Variants in GIT1 observed in about 807,000 individuals in gnomAD.
GIT1 encodes GIT ArfGAP 1.
A neutral mutation model predicts 91.7 loss-of-function variants in GIT1; 14 were observed. The observed-to-expected ratio is 0.15, with a 90% CI of 0.10 to 0.24. The LOEUF (loss-of-function observed/expected upper bound fraction) is 0.24, where lower values mean the gene tolerates loss of function less well. Ranked by LOEUF, GIT1 falls within the 10% of genes least tolerant of loss-of-function variation. GIT1 has a pLI of 1.00. For missense variants in GIT1, 717 were observed against 1,024.9 expected (o/e 0.70, Z 4.10); for synonymous variants, 414 against 418.2 (o/e 0.99, Z 0.12).
chr17:29,576,653 A>T lies in GIT1; in HGVS notation c.1249T>A (p.Ser417Thr), dbSNP rs747834683. ...RARSMDSSDL[S>T]DGAVTLQEYL... ...TCCTGCAGCGTCACAGCCCCGTCAG[A>T]CAAGTCCGAGGAGTCCATGCTCTGC... The change falls in exon 13 of 20, where the codon TCT (serine) becomes ACT (threonine). Residue 417 changes from serine (S) to threonine (T), a missense_variant. Transcript: ENST00000225394. 19 of 1,613,864 alleles carry T rather than the reference A, an allele frequency of 1.2e-5. No individual in the cohort carries two copies. Among genetic ancestry groups the T allele is most frequent in the Non-Finnish European group, 1.5e-5 (18 of 1,179,992 alleles).
intron 1 of GIT1, among the ~76,000 whole-genome samples, chr17:29,588,714 G>A (rs1192941605): frequency 6.6e-6 from 1 of 152,184 alleles, no homozygotes; most frequent in Admixed American, 6.5e-5. Flanking sequence ...GAAGACACCC[G>A]GGTCTAGACT....
chr17:29,584,122 C>A (rs1351328214), intron 1 of GIT1, among the ~76,000 whole-genome samples: 1 of 152,222 alleles, frequency 6.6e-6, no homozygotes, highest in African/African-American at 2.4e-5. Flanking sequence ...GCCATCATCA[C>A]TGAGGGTGTA....
intron 7 of GIT1, chr17:29,579,265 T>G: frequency 4.0e-6 from 2 of 505,402 alleles, no homozygotes; most frequent in Non-Finnish European, 7.1e-6. Flanking sequence ...GCTCCCCAGG[T>G]TCCTCAATCA....
chr17:29,584,542 C>T lies in GIT1; in HGVS notation c.53-926G>A, dbSNP rs977862367. ...AGGCCCCTTGGGAGACAGCTGCATA[C>T]GACTCAGGCTGCGGAAAGGTCACGG... On this transcript the variant is annotated intron_variant, in intron 1 of 19. Transcript: ENST00000225394. Among the ~76,000 whole-genome samples, 26 of 152,198 alleles carry T rather than the reference C, an allele frequency of 1.7e-4. 1 individual carries two copies. The highest frequency in any genetic ancestry group is 1.4e-3 in the Admixed American group (21 of 15,288).
At chr17:29,586,111 G>C (rs1165048690) in intron 1 of GIT1, among the ~76,000 whole-genome samples, 1 of 152,168 alleles carries the variant, frequency 6.6e-6, no homozygotes, top group African/African-American at 2.4e-5. Flanking sequence ...GTAGTCCTTG[G>C]GGTAGAGTCA....
At chr17:29,583,726 A>G (rs1051495099) in intron 1 of GIT1, 110 bp from the exon 2 acceptor site, 6 of 1,201,590 alleles carry the variant, frequency 5.0e-6, no homozygotes, top group Non-Finnish European at 6.9e-6. Context: ...TCACTCACTC[A>G]GTCTCCAACA....
intron 1 of GIT1, among the ~76,000 whole-genome samples, chr17:29,588,910 G>C (rs1231221688): frequency 6.6e-6 from 1 of 152,204 alleles, no homozygotes; most frequent in East Asian, 1.9e-4. Flanking sequence ...CGAGCAGCAG[G>C]TGCAAGACGC....
Position 29,575,888 on chromosome 17 carries a change from C to T in GIT1, c.1676G>A (p.Gly559Glu). The T allele has an allele frequency of 6.2e-7, 1 of 1,608,264 alleles. No individual in the cohort carries two copies. The highest frequency in any genetic ancestry group is 8.5e-7 in the Non-Finnish European group (1 of 1,177,270). The change falls in exon 16 of 20, where the codon GGG (glycine) becomes GAG (glutamate). Residue 559 changes from glycine (G) to glutamate (E), a missense_variant. By Grantham distance (98) the Gly-to-Glu change is moderately conservative. This residue lies in a region of GIT1 where 312 missense variants were observed against 349.5 expected (regional missense o/e 0.89). Transcript: ENST00000225394. This position sits in a 1 kb window ranked among gnomAD's most constrained non-coding sequence, Gnocchi z 5.5. ...GAAGGGCACAGCTGAGGCAGACACC[C>T]CTTTCCGGATCTGAAACCCAGGGCA... is the stretch of plus-strand genomic sequence containing the variant. ...VPAGLYRIRKGVSASAVPFTP... is the reference protein window; with the variant it reads ...VPAGLYRIRKEVSASAVPFTP...
At chr17:29,577,038 C>A in intron 11 of GIT1, 42 bp from the exon 12 acceptor site, 1 of 1,606,486 alleles carries the variant, frequency 6.2e-7, no homozygotes, top group Non-Finnish European at 8.5e-7. Flanking sequence ...CTCCACCACA[C>A]AACCCATCTC....
chr17:29,583,805 G>T (rs2033486771), intron 1 of GIT1, 189 bp from the exon 2 acceptor site: 2 of 629,184 alleles, frequency 3.2e-6, no homozygotes, highest in Admixed American at 6.1e-5. Flanking sequence ...CTCACAGCTG[G>T]GGGCTGACAG....
In GIT1 at chr17:29,589,504, G is replaced by T; in HGVS notation, c.-126C>A. 4.1e-6 allele frequency: 1 copy of T among 242,718 alleles called. No individual in the cohort carries two copies. Among genetic ancestry groups the T allele is most frequent in the Non-Finnish European group, 6.5e-6 (1 of 153,950 alleles). 15.0% of individuals were successfully genotyped at this position (242,718 alleles called of 1,614,324 possible). On this transcript the variant is annotated 5_prime_UTR_variant, in exon 1 of 20. Transcript: ENST00000225394. The surrounding 1 kb of genome is among the most constrained non-coding windows in gnomAD (Gnocchi z 5.2). Reference sequence around the variant, plus strand: ...GCGAGGCCCCGGCGAGGCTCCGCGCGCCCGGCCAACCGTCCGCCCCGGGGC... The same window carrying T: ...GCGAGGCCCCGGCGAGGCTCCGCGCTCCCGGCCAACCGTCCGCCCCGGGGC...
Position 29,575,044 on chromosome 17 carries a change from C to A in GIT1, c.2073+35G>T. 6.5e-7 allele frequency: 1 copy of A among 1,534,774 alleles called. No individual in the cohort carries two copies. Among genetic ancestry groups the A allele is most frequent in the Non-Finnish European group, 8.9e-7 (1 of 1,126,732 alleles). ...CTCCACGCCTGCCCCAGCTCGAGGC[C>A]CTCCCACTCCTGGTCCTCTCTTTGG... On this transcript the variant is annotated intron_variant, in intron 19 of 19. Transcript: ENST00000225394. The surrounding 1 kb of genome is among the most constrained non-coding windows in gnomAD (Gnocchi z 5.5).
In GIT1 at chr17:29,577,138, G is replaced by T. The variant is rs1205688642; in HGVS notation, c.1091C>A (p.Thr364Lys). The change falls in exon 11 of 20, where the codon ACA becomes AAA. Residue 364 changes from threonine (T) to lysine (K), a missense_variant and splice_region_variant. Physicochemically the swap from Thr to Lys is moderately conservative, Grantham distance 78 (BLOSUM62 -1). Coordinates refer to ENST00000225394, the MANE Select transcript of GIT1 (RefSeq NM_014030.4). Reference sequence around the variant, plus strand: ...ACCCTCCCACACAACCCTCCCACCTGTGGGGCTGCTCAGGCTCTTGCCCTG... The same window carrying T: ...ACCCTCCCACACAACCCTCCCACCTTTGGGGCTGCTCAGGCTCTTGCCCTG... ...RQQGKSLSSP[T>K]DNLELSLRSQ... The T allele has an allele frequency of 3.1e-6, 5 of 1,613,264 alleles. No homozygotes were observed. Among genetic ancestry groups the T allele is most frequent in the Non-Finnish European group, 4.2e-6 (5 of 1,179,558 alleles).
chr17:29,582,201 C>A, intron 4 of GIT1, 57 bp from the exon 5 acceptor site: 1 of 1,312,926 alleles, frequency 7.6e-7, no homozygotes, highest in South Asian at 1.3e-5. Context: ...ACCTCCCCAC[C>A]CACAAGCTGC....
In GIT1 at chr17:29,575,035, G is replaced by A; in HGVS notation, c.2073+44C>T. 1 of 1,514,666 alleles carries A rather than the reference G, an allele frequency of 6.6e-7. No homozygotes were observed. Among genetic ancestry groups the A allele is most frequent in the South Asian group, 1.2e-5 (1 of 82,506 alleles). 93.8% of individuals were successfully genotyped at this position (1,514,666 alleles called of 1,614,324 possible). A position where few individuals can be genotyped will look rare whatever the true frequency, so the allele number is the denominator to read the frequency against. On this transcript the variant is annotated intron_variant, in intron 19 of 19. Transcript: ENST00000225394. The surrounding 1 kb of genome is among the most constrained non-coding windows in gnomAD (Gnocchi z 5.5). Reference sequence around the variant, plus strand: ...GATGGGATTCTCCACGCCTGCCCCAGCTCGAGGCCCTCCCACTCCTGGTCC... The same window carrying A: ...GATGGGATTCTCCACGCCTGCCCCAACTCGAGGCCCTCCCACTCCTGGTCC...
chr17:29,581,353 G>C lies in GIT1; in HGVS notation c.746C>G (p.Pro249Arg). ...PDHKNGHYII[P>R]QMADSLDLSE... ...GGGCACTCACCTGTCAGCCATCTGT[G>C]GGATGATGTAATGCCCATTCTTGTG... Residue 249 changes from proline (P) to arginine (R), a missense_variant, in exon 7 of 20, where the codon CCA (proline) becomes CGA (arginine). Physicochemically the swap from Pro to Arg is moderately radical, Grantham distance 103. Around this residue, in one of 3 missense-constraint regions of GIT1, gnomAD observed 271 missense variants for 451.6 expected, o/e 0.60. Coordinates refer to ENST00000225394, the MANE Select transcript of GIT1 (RefSeq NM_014030.4). The surrounding 1 kb of genome is among the most constrained non-coding windows in gnomAD (Gnocchi z 4.8). 1 of 1,612,564 alleles carries C rather than the reference G, an allele frequency of 6.2e-7. No individual in the cohort carries two copies. Among genetic ancestry groups the C allele is most frequent in the South Asian group, 1.1e-5 (1 of 91,068 alleles).
chr17:29,575,316 G>T lies in GIT1; in HGVS notation c.1981C>A (p.Arg661=), dbSNP rs1307345911. 1 of 1,612,830 alleles carries T rather than the reference G, an allele frequency of 6.2e-7. No homozygotes were observed. Among genetic ancestry groups the T allele is most frequent in the Non-Finnish European group, 8.5e-7 (1 of 1,179,700 alleles). The change falls in exon 18 of 20, where the codon CGG becomes AGG. Residue 661 remains arginine (R), a synonymous_variant. Transcript: ENST00000225394. The surrounding 1 kb of genome is among the most constrained non-coding windows in gnomAD (Gnocchi z 5.5). ...TCATGCTTGAACTCCTGGGCTGCCC[G>T]CAACAGTTCCTGAATGTTCTTGGTG... ...QVTKNIQELL[R]AAQEFKHDSF...
Position 29,577,694 on chromosome 17 carries a change from G to A in GIT1, c.932C>T (p.Ala311Val), listed in dbSNP as rs769984764. 79 of 1,612,618 alleles carry A rather than the reference G, an allele frequency of 4.9e-5. No individual in the cohort carries two copies. Among genetic ancestry groups the A allele is most frequent in the Admixed American group, 1.7e-5 (1 of 59,982 alleles). Residue 311 changes from alanine (A) to valine (V), a missense_variant, in exon 10 of 20, where the codon GCC becomes GTC. This residue lies in a region of GIT1 where 271 missense variants were observed against 451.6 expected (regional missense o/e 0.60). Coordinates refer to ENST00000225394, the MANE Select transcript of GIT1 (RefSeq NM_014030.4). The part of the protein sequence containing the change: ...NHSTLVTERS[A>V]VPFLPVNPEY... ...CGGGTTAACAGGCAGGAAGGGCACG[G>A]CACTGCGCTCTGTCACCAGAGTGCT...
At position 29,575,065 on chromosome 17, in the gene GIT1, T is replaced by A. The variant is rs2033141727; in HGVS notation, c.2073+14A>T. The A allele has an allele frequency of 6.3e-7, 1 of 1,577,266 alleles. No individual in the cohort carries two copies. The highest frequency in any genetic ancestry group is 8.7e-7 in the Non-Finnish European group (1 of 1,155,666). ...AGGCCCTCCCACTCCTGGTCCTCTCTTTGGCCCCTGTACCTTTGGGAAGAG... is the reference window on the plus strand; with the variant it reads ...AGGCCCTCCCACTCCTGGTCCTCTCATTGGCCCCTGTACCTTTGGGAAGAG... On this transcript the variant is annotated intron_variant, in intron 19 of 19. Transcript: ENST00000225394. This position sits in a 1 kb window ranked among gnomAD's most constrained non-coding sequence, Gnocchi z 5.5.
Sources: allele counts gnomAD v4.1 joint callset (sites outside exome capture counted in the v4.1 genomes callset), GRCh38; gene constraint gnomAD v4.1.1; regional missense constraint gnomAD v4.1.1; non-coding constraint Gnocchi (gnomAD v3.1); transcripts MANE v1.5; gene names NCBI Gene and HGNC (gene_info 2026-07-23, HGNC 2026-07-21).